Variants in ZNF521 observed in about 807,000 individuals in gnomAD.
The protein encoded by ZNF521 is LYST-interacting protein 3.
ZNF521 carries 14 observed loss-of-function variants against 105.5 expected under a neutral mutation model. That is an observed-to-expected ratio of 0.13 (90% CI 0.09 to 0.21). The LOEUF is 0.21. Among genes scored for constraint, ZNF521 ranks in the 10% least tolerant of loss-of-function variants. The pLI is 1.00. For missense variants in ZNF521, 1,233 were observed against 1,629.7 expected (o/e 0.76, Z 4.19); for synonymous variants, 635 against 606.0 (o/e 1.05, Z -0.70).
At chr18:25,191,394 T>TG (rs917341418) in intron 5 of ZNF521, among the ~76,000 whole-genome samples, 4 of 152,126 alleles carry the variant, frequency 2.6e-5, no homozygotes, top group Admixed American at 2.6e-4. Context: ...TTCTCCCCTT[T>TG]GATCATTCCT....
At chr18:25,199,135 G>T (rs2035950424) in intron 4 of ZNF521, among the ~76,000 whole-genome samples, 1 of 151,790 alleles carries the variant, frequency 6.6e-6, no homozygotes, top group Non-Finnish European at 1.5e-5. Context: ...TACAGGCATA[G>T]GGGAACAAAT....
At chr18:25,108,381 A>C (rs2034115711) in intron 5 of ZNF521, among the ~76,000 whole-genome samples, 1 of 152,136 alleles carries the variant, frequency 6.6e-6, no homozygotes, top group Non-Finnish European at 1.5e-5. Flanking sequence ...TACACAAACA[A>C]CTTTGAAGAT....
chr18:25,344,682 T>C (rs1914383584), intron 2 of ZNF521, among the ~76,000 whole-genome samples: 1 of 152,212 alleles, frequency 6.6e-6, no homozygotes, highest in Admixed American at 6.5e-5. Context: ...AAAATCTCAT[T>C]CAATTCAAAA....
chr18:25,258,178 CTTCT>C (rs1249949122), intron 3 of ZNF521, among the ~76,000 whole-genome samples: 1 of 152,104 alleles, frequency 6.6e-6, no homozygotes, highest in Non-Finnish European at 1.5e-5. Context: ...TGTTCGTTAC[CTTCT>C]TTGTTTTCAG....
At chr18:25,348,181 T>C (rs1031305591) in intron 2 of ZNF521, among the ~76,000 whole-genome samples, 2 of 152,228 alleles carry the variant, frequency 1.3e-5, no homozygotes, top group African/African-American at 4.8e-5. Flanking sequence ...ACTAATATGA[T>C]ACCAGAACAC....
In ZNF521 at chr18:25,225,241, C is replaced by T; in HGVS notation, c.2677G>A (p.Ala893Thr). The change falls in exon 4 of 8, where the codon GCA becomes ACA. Residue 893 changes from alanine (A) to threonine (T), a missense_variant. Ala to Thr is a moderately conservative substitution (Grantham distance 58, BLOSUM62 0). Around this residue, in one of 6 missense-constraint regions of ZNF521, gnomAD observed 614 missense variants for 751.5 expected, o/e 0.82. Transcript: ENST00000361524. The surrounding 1 kb of genome is among the most constrained non-coding windows in gnomAD (Gnocchi z 5.6). ...EPMYGCDICG[A>T]AYTMETLLQN... ...AGCAAAGTTTCCATAGTGTAGGCTG[C>T]CCCACAAATGTCGCAGCCGTACATA... 6.2e-7 allele frequency: 1 copy of T among 1,614,088 alleles called. No homozygotes were observed. The highest frequency in any genetic ancestry group is 8.5e-7 in the Non-Finnish European group (1 of 1,180,022).
At chr18:25,118,858 C>T (rs2034379829) in intron 5 of ZNF521, among the ~76,000 whole-genome samples, 1 of 151,906 alleles carries the variant, frequency 6.6e-6, no homozygotes, top group African/African-American at 2.4e-5. Context: ...AAAATGGAAG[C>T]TCCAACTATA....
chr18:25,274,978 G>A (rs148653391), intron 3 of ZNF521, among the ~76,000 whole-genome samples: 256 of 152,214 alleles, frequency 1.7e-3, no homozygotes, highest in African/African-American at 5.9e-3. Flanking sequence ...TCCCCAAAGC[G>A]GGTGGAGGGA....
intron 3 of ZNF521, among the ~76,000 whole-genome samples, chr18:25,258,333 T>C (rs77667523): frequency 6.6e-6 from 1 of 152,300 alleles, no homozygotes; most frequent in East Asian, 1.9e-4. Context: ...AATGTACAGC[T>C]TGCCCAACAT....
intron 4 of ZNF521, among the ~76,000 whole-genome samples, chr18:25,214,193 T>C (rs777599712): frequency 1.3e-5 from 2 of 152,162 alleles, no homozygotes; most frequent in African/African-American, 4.8e-5. Context: ...TCTTAAACTT[T>C]ACATGAATAA....
chr18:25,275,278 C>T (rs1600244376), intron 3 of ZNF521, among the ~76,000 whole-genome samples: 1 of 152,146 alleles, frequency 6.6e-6, no homozygotes, highest in African/African-American at 2.4e-5. Flanking sequence ...CCCAATACAA[C>T]TTATGGCGCA....
intron 4 of ZNF521, among the ~76,000 whole-genome samples, chr18:25,219,491 G>C (rs753786054): frequency 6.6e-6 from 1 of 152,230 alleles, no homozygotes; most frequent in African/African-American, 2.4e-5. Flanking sequence ...GCAGGCAGCT[G>C]TTTATATGAG....
intron 3 of ZNF521, among the ~76,000 whole-genome samples, chr18:25,307,612 A>G (rs1406470889): frequency 6.6e-6 from 1 of 151,938 alleles, no homozygotes; most frequent in Non-Finnish European, 1.5e-5. Context: ...AATGGTCCCT[A>G]CCTCCTGGTA....
chr18:25,310,879 T>C (rs1268552822), intron 3 of ZNF521, among the ~76,000 whole-genome samples: 1 of 152,204 alleles, frequency 6.6e-6, no homozygotes, highest in Non-Finnish European at 1.5e-5. Flanking sequence ...TCCAAATATA[T>C]TTTTTAGCAC....
chr18:25,150,666 A>G (rs968544899), intron 5 of ZNF521, among the ~76,000 whole-genome samples: 27 of 152,292 alleles, frequency 1.8e-4, no homozygotes, highest in African/African-American at 5.5e-4. Context: ...TTTCAGACAC[A>G]GACTCAGAGT....
At position 25,062,752 on chromosome 18, in the gene ZNF521, C is replaced by CAAA. The variant is rs10540123; in HGVS notation, c.3907-14_3907-12dup. 0.011 allele frequency: 4,179 copies of CAAA among 364,706 alleles called. 401 individuals carry two copies. The highest frequency in any genetic ancestry group is 0.02 in the South Asian group (608 of 30,042). The allele number at this position is 364,706 out of a possible 1,614,324, so 22.6% of individuals were successfully genotyped here. On this transcript the variant is annotated splice_polypyrimidine_tract_variant and intron_variant, in intron 7 of 7. Transcript: ENST00000361524. ...GGTCATTGTATGATTCTGTAAATAA[C>CAAA]AAAAAAAAAAAAAAAAAAAAAAAAA...
intron 7 of ZNF521, among the ~76,000 whole-genome samples, chr18:25,081,947 A>G (rs2033505365): frequency 6.6e-6 from 1 of 152,214 alleles, no homozygotes; most frequent in South Asian, 2.1e-4. Flanking sequence ...GGTAAGGCCA[A>G]TCAATCCTGA....
chr18:25,218,819 G>A (rs1431180588), intron 4 of ZNF521, among the ~76,000 whole-genome samples: 1 of 152,006 alleles, frequency 6.6e-6, no homozygotes, highest in Non-Finnish European at 1.5e-5. Flanking sequence ...TTGCACTCCA[G>A]CCTGGGCAAC....
rs144835436 is a variant in ZNF521, at chr18:25,227,081, C to A, written c.837G>T (p.Ala279=). ...HPECSPNEDR[A]ALQCVYCHEL... ...CGTGGCAGTAGACACACTGGAGGGC[C>A]GCTCGGTCCTCATTTGGGGAGCATT... is the stretch of plus-strand genomic sequence containing the variant. Residue 279 remains alanine, a synonymous_variant, in exon 4 of 8, where the codon GCG becomes GCT. Coordinates refer to ENST00000361524, the MANE Select transcript of ZNF521 (RefSeq NM_015461.3). The surrounding 1 kb of genome is among the most constrained non-coding windows in gnomAD (Gnocchi z 5.7). 3 of 1,614,098 alleles carry A rather than the reference C, an allele frequency of 1.9e-6. No homozygotes were observed.
Sources: gnomAD v4.1 joint callset for allele counts (sites outside exome capture counted in the v4.1 genomes callset) on GRCh38, gnomAD v4.1.1 for gene constraint, gnomAD v4.1.1 regional missense constraint, Gnocchi (gnomAD v3.1) non-coding constraint, MANE v1.5 for transcripts, NCBI Gene and HGNC (gene_info 2026-07-23, HGNC 2026-07-21) for gene names.